The following CFAP46 variants were observed in gnomAD, a reference collection of about 807,000 sequenced individuals.
The protein encoded by CFAP46 is cilia and flagella associated protein 46.
In CFAP46, 245 loss-of-function variants were observed where a neutral mutation model predicts 325.7. The observed-to-expected ratio is 0.75, with a 90% CI of 0.68 to 0.84. The LOEUF (loss-of-function observed/expected upper bound fraction) is 0.84, where lower values mean the gene tolerates loss of function less well. CFAP46 is among the 40% of genes least tolerant of loss of function. The pLI, the probability that CFAP46 is intolerant of heterozygous loss-of-function variation, is 0.00. For synonymous variants in CFAP46, 1,523 were observed against 1,495.9 expected (o/e 1.02, Z -0.42); for missense variants, 3,346 against 3,543.0 (o/e 0.94, Z 1.41).
At chr10:132,930,667 C>G (rs1183049023) in intron 8 of CFAP46, among the ~76,000 whole-genome samples, 1 of 101,346 alleles carries the variant, frequency 9.9e-6, no homozygotes, top group Non-Finnish European at 2.0e-5. Flanking sequence ...ACACTCCCCA[C>G]GCAGAGCCTG....
intron 36 of CFAP46, 88 bp from the exon 37 acceptor site, chr10:132,860,611 C>G (rs1332245827): frequency 1.7e-6 from 2 of 1,211,634 alleles, no homozygotes; most frequent in African/African-American, 3.0e-5. Flanking sequence ...GGGACAGATA[C>G]GGGCCTGAGG....
At chr10:132,907,905 T>A (rs1849479386) in intron 22 of CFAP46, among the ~76,000 whole-genome samples, 1 of 152,218 alleles carries the variant, frequency 6.6e-6, no homozygotes, top group Non-Finnish European at 1.5e-5. Context: ...AGACGCCGAA[T>A]CTGCCACACC....
In CFAP46 at chr10:132,884,771, C is replaced by T. The variant is rs950857984; in HGVS notation, c.3627+332G>A. On this transcript the variant is annotated intron_variant, in intron 27 of 57. Transcript: ENST00000368586. The surrounding 1 kb of genome is among the most constrained non-coding windows in gnomAD (Gnocchi z 5.4). ...CTGCCTGCTCTCCTCTGCAGCCACC[C>T]GCCCATCGGGGCCCTGGTGCCACCA... 3.9e-5 allele frequency among the ~76,000 whole-genome samples: 6 copies of T among 152,074 alleles called. No homozygotes were observed. Among genetic ancestry groups the T allele is most frequent in the South Asian group, 2.1e-4 (1 of 4,822 alleles).
intron 28 of CFAP46, 30 bp from the exon 29 acceptor site, chr10:132,879,661 C>A (rs1329363712): frequency 6.8e-7 from 1 of 1,476,030 alleles, no homozygotes; most frequent in East Asian, 2.5e-5. Context: ...AGGCTGAGAG[C>A]AGGCCCGGCT....
chr10:132,935,209 G>T (rs1355533195), intron 7 of CFAP46, among the ~76,000 whole-genome samples: 1 of 152,048 alleles, frequency 6.6e-6, no homozygotes, highest in Non-Finnish European at 1.5e-5. Context: ...CTCTCCCAGG[G>T]ATGCTGCCCA....
intron 46 of CFAP46, 87 bp downstream of exon 46, chr10:132,836,055 T>A (rs934044789): frequency 1.7e-4 from 38 of 220,876 alleles, no homozygotes; most frequent in East Asian, 5.2e-4. Context: ...CACCTCCCCC[T>A]CCCGACACAG....
At position 132,852,592 on chromosome 10, in the gene CFAP46, C is replaced by T. The variant is rs371664948; in HGVS notation, c.5575-1287G>A. On this transcript the variant is annotated intron_variant, in intron 39 of 57. Coordinates refer to ENST00000368586, the MANE Select transcript of CFAP46 (RefSeq NM_001200049.3). ...TCTATTTACTTAGCTATTCTCAGAT[C>T]CTGATCCACAGACGCGGTCTGTTTC... Among the ~76,000 whole-genome samples the T allele has an allele frequency of 3.3e-5, 5 of 152,298 alleles. No individual in the cohort carries two copies. In the South Asian group the frequency reaches 1.0e-3, roughly 32 times the overall value.
At position 132,886,600 on chromosome 10, in the gene CFAP46, T is replaced by C. The variant is rs1268658512; in HGVS notation, c.3305-641A>G. On this transcript the variant is annotated intron_variant, in intron 25 of 57. Transcript: ENST00000368586. This position sits in a 1 kb window ranked among gnomAD's most constrained non-coding sequence, Gnocchi z 5.8. ...CTGGTGGGATGGAACCCTCAGTGTC[T>C]GGGCGAGCTGCAGATGAACTTGAAG... is the stretch of plus-strand genomic sequence containing the variant. Among the ~76,000 whole-genome samples the C allele has an allele frequency of 6.6e-6, 1 of 152,128 alleles. No individual in the cohort carries two copies. The highest frequency in any genetic ancestry group is 1.9e-4 in the East Asian group (1 of 5,196).
intron 12 of CFAP46, 111 bp from the exon 13 acceptor site, chr10:132,922,335 C>A: frequency 6.8e-7 from 1 of 1,470,178 alleles, no homozygotes; most frequent in South Asian, 1.4e-5. Context: ...TCCTCGTGCT[C>A]ATAGACACAG....
Position 132,910,053 on chromosome 10 carries a change from G to A in CFAP46, c.2515C>T (p.Leu839=). 1 of 1,505,474 alleles carries A rather than the reference G, an allele frequency of 6.6e-7. No individual in the cohort carries two copies. Among genetic ancestry groups the A allele is most frequent in the Non-Finnish European group, 8.9e-7 (1 of 1,128,524 alleles). The allele number at this position is 1,505,474 out of a possible 1,614,324, so 93.3% of individuals were successfully genotyped here. ...GGCGCACTCCCATTGGTCAGGTTCAGGGCAAACTCGCAGACCTAGGACAGA... is the reference window on the plus strand; with the variant it reads ...GGCGCACTCCCATTGGTCAGGTTCAAGGCAAACTCGCAGACCTAGGACAGA... ...KTAVEVCEFA[L]NLTNGSAPEE... The change falls in exon 20 of 58, where the codon CTG becomes TTG. Residue 839 remains leucine (L), a synonymous_variant. Transcript: ENST00000368586.
rs1168235592 is a variant in CFAP46, at chr10:132,878,704, A to C, written c.4006-617T>G. The stretch of plus-strand genomic sequence containing the variant: ...TGAGGCTGGTGGGGGGTTAGCGTGG[A>C]GCATTCTGAAGACGGGATAGGGGGG... On this transcript the variant is annotated intron_variant, in intron 29 of 57. Coordinates refer to ENST00000368586, the MANE Select transcript of CFAP46 (RefSeq NM_001200049.3). Among the ~76,000 whole-genome samples the C allele has an allele frequency of 2.6e-5, 4 of 152,048 alleles. No homozygotes were observed. The East Asian group carries it at 7.7e-4, about 29-fold the overall frequency.
At chr10:132,893,097 G>C (rs574187471) in intron 24 of CFAP46, among the ~76,000 whole-genome samples, 1 of 152,246 alleles carries the variant, frequency 6.6e-6, no homozygotes, top group Non-Finnish European at 1.5e-5. Context: ...CACGCACACT[G>C]AGAGGCAAAA....
chr10:132,929,400 G>T, intron 9 of CFAP46: 1 of 674,366 alleles, frequency 1.5e-6, no homozygotes, highest in Non-Finnish European at 2.8e-6. Flanking sequence ...ACTGGTGGAG[G>T]ATGTTCTGGA....
In CFAP46 at chr10:132,912,760, C is replaced by A. The variant is rs1270685311; in HGVS notation, c.2394G>T (p.Trp798Cys). ...ACTTCTCGGCAGCCTGGACTGGAAT[C>A]CAGCTGATGATCAGGCCTCGCGCCA... ...NTLARGLIIS[W>C]IPVQAAEKSR... The change falls in exon 19 of 58, where the codon TGG (tryptophan) becomes TGT (cysteine). Residue 798 changes from tryptophan to cysteine, a missense_variant. Trp to Cys is a radical substitution (Grantham distance 215). Coordinates refer to ENST00000368586, the MANE Select transcript of CFAP46 (RefSeq NM_001200049.3). The A allele has an allele frequency of 6.5e-7, 1 of 1,550,212 alleles. No homozygotes were observed. The highest frequency in any genetic ancestry group is 1.4e-5 in the African/African-American group (1 of 73,062).
chr10:132,845,365 T>C (rs1848415902), intron 44 of CFAP46, among the ~76,000 whole-genome samples: 1 of 152,324 alleles, frequency 6.6e-6, no homozygotes, highest in Middle Eastern at 3.4e-3. Flanking sequence ...GATGTCACAA[T>C]GGCAGGGGTG....
chr10:132,823,713 A>G (rs1208447393), intron 50 of CFAP46, among the ~76,000 whole-genome samples: 2 of 87,680 alleles, frequency 2.3e-5, no homozygotes, highest in African/African-American at 9.4e-5. Context: ...CTGTGTGCTG[A>G]CGTGTGCTGT....
At chr10:132,891,338 A>C (rs983434502) in intron 25 of CFAP46, among the ~76,000 whole-genome samples, 3 of 152,196 alleles carry the variant, frequency 2.0e-5, no homozygotes, top group African/African-American at 7.2e-5. Context: ...GGTAGGGGGC[A>C]AGGGTGGACA....
chr10:132,929,651 C>G (rs750413833), intron 9 of CFAP46, 54 bp downstream of exon 9: 1 of 1,525,338 alleles, frequency 6.6e-7, no homozygotes, highest in Non-Finnish European at 9.1e-7. Context: ...TTTTGTCCAA[C>G]TGCACGGTGA....
In CFAP46 at chr10:132,939,698, C is replaced by A. The variant is rs1850067713; in HGVS notation, c.372-945G>T. Among the ~76,000 whole-genome samples, 1 of 152,144 alleles carries A rather than the reference C, an allele frequency of 6.6e-6. No individual in the cohort carries two copies. Among genetic ancestry groups the A allele is most frequent in the African/African-American group, 2.4e-5 (1 of 41,424 alleles). On this transcript the variant is annotated intron_variant, in intron 4 of 57. Coordinates refer to ENST00000368586, the MANE Select transcript of CFAP46 (RefSeq NM_001200049.3). This position sits in a 1 kb window ranked among gnomAD's most constrained non-coding sequence, Gnocchi z 4.6. Reference sequence around the variant, plus strand: ...GGGTGTCCTGACCAGACGGTCACGCCTGCTTGAGTCAGAGGGGTCATCATG... The same window carrying A: ...GGGTGTCCTGACCAGACGGTCACGCATGCTTGAGTCAGAGGGGTCATCATG...
Sources: allele counts gnomAD v4.1 joint callset (sites outside exome capture counted in the v4.1 genomes callset), GRCh38; gene constraint gnomAD v4.1.1; non-coding constraint Gnocchi (gnomAD v3.1); transcripts MANE v1.5; gene names NCBI Gene and HGNC (gene_info 2026-07-23, HGNC 2026-07-21).